Variants in PLCL2 observed in about 807,000 individuals in gnomAD.
PLCL2 encodes the protein phospholipase C like 2.
Under a neutral mutation model 79.6 loss-of-function variants are expected in PLCL2, and 4 were observed. The observed-to-expected ratio is 0.05, with a 90% CI of 0.02 to 0.11. The LOEUF (loss-of-function observed/expected upper bound fraction) is 0.11. Ranked by LOEUF, PLCL2 falls within the 10% of genes least tolerant of loss-of-function variation. The probability of loss-of-function intolerance (pLI) is 1.00; values close to 1 mark genes in which losing one functional copy is unlikely to be tolerated. For synonymous variants in PLCL2, 484 were observed against 457.7 expected (o/e 1.06, Z -0.73); for missense variants, 895 against 1,291.0 (o/e 0.69, Z 4.70).
intron 1 of PLCL2, among the ~76,000 whole-genome samples, chr3:17,000,308 T>C (rs2064196003): frequency 6.6e-6 from 1 of 152,080 alleles, no homozygotes; most frequent in Non-Finnish European, 1.5e-5. Context: ...TTATCTTGTA[T>C]TTTTTTCAAT....
intron 5 of PLCL2, among the ~76,000 whole-genome samples, chr3:17,078,671 A>T (rs2124952010): frequency 6.6e-6 from 1 of 152,166 alleles, no homozygotes; most frequent in East Asian, 1.9e-4. Flanking sequence ...AATAAACCAG[A>T]TGGTTTTTGC....
intron 5 of PLCL2, among the ~76,000 whole-genome samples, chr3:17,071,198 A>T (rs1445159550): frequency 1.3e-5 from 2 of 152,214 alleles, no homozygotes; most frequent in African/African-American, 4.8e-5. Context: ...TGCTAAAACC[A>T]GGACAATCTG....
At chr3:16,945,936 T>A (rs1272578959) in intron 1 of PLCL2, among the ~76,000 whole-genome samples, 1 of 152,242 alleles carries the variant, frequency 6.6e-6, no homozygotes, top group East Asian at 1.9e-4. Context: ...CTTAGAGTTA[T>A]GTCATACGTT....
intron 1 of PLCL2, among the ~76,000 whole-genome samples, chr3:16,891,906 C>T (rs1161318883): frequency 6.6e-6 from 1 of 152,200 alleles, no homozygotes; most frequent in Admixed American, 6.5e-5. Context: ...CTCAGTTAAC[C>T]ACTTCCCAGT....
intron 3 of PLCL2, among the ~76,000 whole-genome samples, chr3:17,016,976 G>C (rs1312687081): frequency 6.6e-6 from 1 of 152,194 alleles, no homozygotes; most frequent in Non-Finnish European, 1.5e-5. Context: ...CAGCATAACA[G>C]GGCAGGCCAA....
intron 3 of PLCL2, among the ~76,000 whole-genome samples, chr3:17,016,909 A>G (rs1019975275): frequency 6.6e-6 from 1 of 152,180 alleles, no homozygotes; most frequent in Non-Finnish European, 1.5e-5. Context: ...CTTCATGGCG[A>G]GCTTTTTAAC....
rs1266533962 is a variant in PLCL2, at chr3:16,950,710, A to G, written c.328-58964A>G. On this transcript the variant is annotated intron_variant, in intron 1 of 5. Coordinates refer to ENST00000615277, the MANE Select transcript of PLCL2 (RefSeq NM_001144382.2). The stretch of plus-strand genomic sequence containing the variant: ...CTTTTTCAGATTAAAGAAAACTTCT[A>G]TTTCTAGCATGTTGGAGTCTTACCA... 2.0e-5 allele frequency among the ~76,000 whole-genome samples: 3 copies of G among 151,944 alleles called. No individual in the cohort carries two copies. The South Asian group carries it at 6.2e-4, about 31-fold the overall frequency.
intron 1 of PLCL2, among the ~76,000 whole-genome samples, chr3:17,004,498 C>T (rs1166528744): frequency 1.2e-4 from 18 of 152,144 alleles, no homozygotes; most frequent in Admixed American, 1.2e-3. Flanking sequence ...CAGCATTTAA[C>T]TGTACCTAGC....
intron 4 of PLCL2, among the ~76,000 whole-genome samples, chr3:17,053,997 G>C (rs746769805): frequency 1.1e-4 from 16 of 152,056 alleles, no homozygotes; most frequent in Non-Finnish European, 5.9e-5. Flanking sequence ...CTACCACATG[G>C]CCAGGCTGCA....
intron 3 of PLCL2, 117 bp from the exon 4 acceptor site, chr3:17,042,757 T>TA (rs2064738491): frequency 2.9e-6 from 2 of 698,118 alleles, no homozygotes; most frequent in Admixed American, 2.3e-5. Flanking sequence ...GAAAGTCAGA[T>TA]AAAAAAGCGT....
rs564168636 is a variant in PLCL2, at chr3:16,989,201, A to G, written c.328-20473A>G. Among the ~76,000 whole-genome samples the G allele has an allele frequency of 4.6e-5, 7 of 152,332 alleles. No homozygotes were observed. In the South Asian group the frequency reaches 1.4e-3, roughly 32 times the overall value. On this transcript the variant is annotated intron_variant, in intron 1 of 5. Transcript: ENST00000615277. ...ATTTATATTGGCCTCATTTACATAT[A>G]TGAATGATAGTCCCTCTTTCCAGAT...
intron 1 of PLCL2, among the ~76,000 whole-genome samples, chr3:16,940,470 G>A (rs953571161): frequency 2.0e-5 from 3 of 152,174 alleles, no homozygotes; most frequent in African/African-American, 7.2e-5. Flanking sequence ...AATAGACCTT[G>A]CAACAGTAGG....
At chr3:17,060,653 G>C (rs2064942189) in intron 4 of PLCL2, among the ~76,000 whole-genome samples, 1 of 152,044 alleles carries the variant, frequency 6.6e-6, no homozygotes, top group Admixed American at 6.6e-5. Context: ...AAAATTATCA[G>C]CTATCCATAT....
At chr3:17,075,890 G>A (rs988840412) in intron 5 of PLCL2, among the ~76,000 whole-genome samples, 5 of 152,116 alleles carry the variant, frequency 3.3e-5, no homozygotes, top group African/African-American at 9.7e-5. Flanking sequence ...TCTGTTTTAT[G>A]GATATAACAC....
chr3:16,905,732 C>G (rs1184461196), intron 1 of PLCL2, among the ~76,000 whole-genome samples: 3 of 152,358 alleles, frequency 2.0e-5, no homozygotes, highest in African/African-American at 7.2e-5. Context: ...TGATTCAGAG[C>G]AAGCTTCTGC....
At chr3:17,002,984 A>G (rs1442195422) in intron 1 of PLCL2, among the ~76,000 whole-genome samples, 2 of 151,946 alleles carry the variant, frequency 1.3e-5, no homozygotes, top group African/African-American at 4.8e-5. Flanking sequence ...GTGGAAATAT[A>G]CCATCTGATC....
chr3:16,927,192 C>G (rs114872827), intron 1 of PLCL2, among the ~76,000 whole-genome samples: 1,873 of 152,250 alleles, frequency 0.012, 43 homozygotes, highest in African/African-American at 0.044. Flanking sequence ...TGGGTAAACC[C>G]TTCACAGAAT....
chr3:17,037,095 C>T (rs751510916), intron 3 of PLCL2, among the ~76,000 whole-genome samples: 17 of 152,182 alleles, frequency 1.1e-4, no homozygotes, highest in Non-Finnish European at 2.4e-4. Flanking sequence ...GAAAAAATTA[C>T]TTTGGATTGA....
chr3:16,986,569 T>C (rs74675273), intron 1 of PLCL2, among the ~76,000 whole-genome samples: 12 of 152,110 alleles, frequency 7.9e-5, no homozygotes, highest in African/African-American at 2.9e-4. Context: ...ACCCAGCTAA[T>C]TTTTTGTATT....
Sources: gnomAD v4.1 joint callset for allele counts (sites outside exome capture counted in the v4.1 genomes callset) on GRCh38, gnomAD v4.1.1 for gene constraint, MANE v1.5 for transcripts, NCBI Gene and HGNC (gene_info 2026-07-23, HGNC 2026-07-21) for gene names.